The following NID1 variants were observed in gnomAD, a reference collection of about 807,000 sequenced individuals.
NID1 encodes the protein nidogen 1.
NID1 carries 76 observed loss-of-function variants against 130.6 expected under a neutral mutation model. That is an observed-to-expected ratio of 0.58 (90% CI 0.48 to 0.70). NID1 has a LOEUF of 0.70. NID1 is among the 30% of genes least tolerant of loss of function. The pLI, the probability that NID1 is intolerant of heterozygous loss-of-function variation, is 0.00. For synonymous variants in NID1, 665 were observed against 675.1 expected, an observed-to-expected ratio of 0.98 and a Z score of 0.23; for missense variants, 1,517 against 1,664.8, an observed-to-expected ratio of 0.91 and a Z score of 1.54.
chr1:235,993,499 A>G, intron 13 of NID1, 146 bp downstream of exon 13: 1 of 697,600 alleles, frequency 1.4e-6, no homozygotes, highest in Admixed American at 3.0e-5. Context: ...AGAGGGAAGA[A>G]GGGTGCAGCA....
chr1:236,024,016 G>C (rs1658848344), intron 9 of NID1, 54 bp downstream of exon 9: 4 of 1,602,028 alleles, frequency 2.5e-6, no homozygotes, highest in African/African-American at 2.7e-5. Flanking sequence ...GAACGTGGAT[G>C]CCTCCTCCTC....
At chr1:236,014,220 A>C (rs1235925575) in intron 10 of NID1, among the ~76,000 whole-genome samples, 6 of 122,978 alleles carry the variant, frequency 4.9e-5, no homozygotes, top group South Asian at 5.6e-4. Flanking sequence ...CACCCCCTCA[A>C]CTCTCTCTCT....
At chr1:236,031,105 C>CTTTTCTTTTTTTCTTT (rs751026919) in intron 6 of NID1, among the ~76,000 whole-genome samples, 18 of 151,956 alleles carry the variant, frequency 1.2e-4, no homozygotes, top group African/African-American at 4.3e-4. Context: ...AGGTTCAATC[C>CTTTTCTTTTTTTCTTT]TTTTCTTTTT....
chr1:235,999,937 G>A (rs1331771563), intron 12 of NID1, among the ~76,000 whole-genome samples: 2 of 152,134 alleles, frequency 1.3e-5, no homozygotes, highest in African/African-American at 4.8e-5. Flanking sequence ...GAACAGGCCG[G>A]GCCCTGTGGC....
At position 236,048,072 on chromosome 1, in the gene NID1, G is replaced by A. The variant is rs1195725844; in HGVS notation, c.525+618C>T. Among the ~76,000 whole-genome samples the A allele has an allele frequency of 1.2e-3, 144 of 121,146 alleles. 1 individual carries two copies. The highest frequency in any genetic ancestry group is 4.5e-3 in the African/African-American group (140 of 31,214). The allele number at this position is 121,146 out of a possible 152,430, so 79.5% of individuals were successfully genotyped here. ...AAAAAGGCCGGGCATGGTGGCTCAC[G>A]CCTGTAATCCCAGCACTTTGGGAGG... On this transcript the variant is annotated intron_variant, in intron 2 of 19. Transcript: ENST00000264187.
At chr1:236,063,154 A>AG (rs1660088872) in intron 1 of NID1, among the ~76,000 whole-genome samples, 1 of 36,954 alleles carries the variant, frequency 2.7e-5, no homozygotes, top group Non-Finnish European at 4.8e-5. Flanking sequence ...ACTTCATCTC[A>AG]AAAAAAAAAA....
At chr1:236,026,769 C>T (rs1303677065) in intron 7 of NID1, among the ~76,000 whole-genome samples, 1 of 148,026 alleles carries the variant, frequency 6.8e-6, no homozygotes, top group Non-Finnish European at 1.5e-5. Context: ...CACAGAGTCT[C>T]GCCTTGTCAC....
chr1:236,062,920 C>T (rs568126286), intron 1 of NID1, among the ~76,000 whole-genome samples: 8 of 151,804 alleles, frequency 5.3e-5, no homozygotes, highest in Non-Finnish European at 7.4e-5. Context: ...CTTTGGGAGG[C>T]GGAGGTGGGT....
At position 235,979,148 on chromosome 1, in the gene NID1, T is replaced by A; in HGVS notation, c.3510-41A>T. 3.1e-6 allele frequency: 4 copies of A among 1,283,742 alleles called. No individual in the cohort carries two copies. Among genetic ancestry groups the A allele is most frequent in the Non-Finnish European group, 4.5e-6 (4 of 879,920 alleles). The allele number at this position is 1,283,742 out of a possible 1,614,324, so 79.5% of individuals were successfully genotyped here. A position where few individuals can be genotyped will look rare whatever the true frequency, so the allele number is the denominator to read the frequency against. On this transcript the variant is annotated intron_variant, in intron 18 of 19. Coordinates refer to ENST00000264187, the MANE Select transcript of NID1 (RefSeq NM_002508.3). The surrounding 1 kb of genome is among the most constrained non-coding windows in gnomAD (Gnocchi z 4.6). ...GGGCAGAAGGTGAAAACACATCTGA[T>A]GGCTTGAACTTGTATCTAAACAAGG...
intron 11 of NID1, 133 bp from the exon 12 acceptor site, chr1:236,012,176 T>C (rs1658447551): frequency 9.4e-7 from 1 of 1,063,972 alleles, no homozygotes; most frequent in African/African-American, 1.6e-5. Context: ...CAAAACTCAC[T>C]AAACATTAAC....
At chr1:235,989,311 C>A (rs547763158) in intron 14 of NID1, among the ~76,000 whole-genome samples, 1 of 152,196 alleles carries the variant, frequency 6.6e-6, no homozygotes, top group East Asian at 1.9e-4. Flanking sequence ...GACATTTAGC[C>A]TCTCCCCTTG....
At chr1:235,981,810 T>A in intron 15 of NID1, 28 bp from the exon 16 acceptor site, 2 of 1,543,622 alleles carry the variant, frequency 1.3e-6, no homozygotes, top group East Asian at 2.3e-5. Flanking sequence ...GCTCCTCTAA[T>A]TTTTTTTGTT....
intron 1 of NID1, among the ~76,000 whole-genome samples, chr1:236,055,612 G>A (rs538386119): frequency 2.7e-4 from 41 of 150,022 alleles, no homozygotes; most frequent in African/African-American, 7.3e-4. Context: ...TCAAGATCAC[G>A]CCACTGCACT....
intron 1 of NID1, among the ~76,000 whole-genome samples, chr1:236,052,515 C>T (rs1202591986): frequency 6.6e-6 from 1 of 152,188 alleles, no homozygotes; most frequent in East Asian, 1.9e-4. Context: ...TCTTTCTCAC[C>T]ACCCACGCTG....
intron 15 of NID1, 105 bp from the exon 16 acceptor site, chr1:235,981,887 C>A (rs907377088): frequency 1.9e-6 from 2 of 1,066,190 alleles, no homozygotes; most frequent in Admixed American, 5.4e-5. Flanking sequence ...CCAATCCCTG[C>A]ACTTTAAGAA....
At chr1:235,990,819 C>T (rs186567369) in intron 14 of NID1, 67 bp downstream of exon 14, 39 of 1,570,028 alleles carry the variant, frequency 2.5e-5, no homozygotes, top group East Asian at 6.7e-5. Flanking sequence ...GGTCTGATAT[C>T]GTCCTGCTTG....
At chr1:236,046,772 CT>C (rs1235911197) in intron 2 of NID1, among the ~76,000 whole-genome samples, 2 of 152,188 alleles carry the variant, frequency 1.3e-5, no homozygotes, top group African/African-American at 2.4e-5. Flanking sequence ...AGCTGAGACA[CT>C]TAACATTTAA....
intron 4 of NID1, among the ~76,000 whole-genome samples, chr1:236,040,070 T>C (rs144205455): frequency 0.01 from 1,547 of 152,278 alleles, 26 homozygotes; most frequent in African/African-American, 0.035. Context: ...CCCCAAGTTG[T>C]TGGGCTGGAT....
chr1:236,026,203 G>A (rs1658925976), intron 7 of NID1, 62 bp from the exon 8 acceptor site: 2 of 1,590,620 alleles, frequency 1.3e-6, no homozygotes, highest in African/African-American at 1.3e-5. Context: ...GGTTAAGGAT[G>A]CAAGAAGCTG....
Sources: gnomAD v4.1 joint callset for allele counts (sites outside exome capture counted in the v4.1 genomes callset) on GRCh38, gnomAD v4.1.1 for gene constraint, Gnocchi (gnomAD v3.1) non-coding constraint, MANE v1.5 for transcripts, NCBI Gene and HGNC (gene_info 2026-07-23, HGNC 2026-07-21) for gene names.